The following MEI1 variants were observed in gnomAD, a reference collection of about 807,000 sequenced individuals.
MEI1 encodes meiosis inhibitor protein 1.
A neutral mutation model predicts 146.2 loss-of-function variants in MEI1; 103 were observed. The ratio of observed to expected loss-of-function variants is 0.70; its 90% CI spans 0.60 to 0.83. The LOEUF (loss-of-function observed/expected upper bound fraction) is 0.83. MEI1 is among the 40% of genes least tolerant of loss of function. The pLI is 0.00. For synonymous variants in MEI1, 652 were observed against 628.2 expected (o/e 1.04, Z -0.57); for missense variants, 1,529 against 1,533.0 (o/e 1.00, Z 0.04).
chr22:41,770,345 G>A (rs1236038602), intron 19 of MEI1, among the ~76,000 whole-genome samples: 1 of 151,818 alleles, frequency 6.6e-6, no homozygotes, highest in Non-Finnish European at 1.5e-5. Flanking sequence ...TTAATATTTT[G>A]CACCAGATCA....
Position 41,723,998 on chromosome 22 carries a change from G to C in MEI1, c.789G>C (p.Gln263His). ...YDLFVSMIMN[Q>H]DGLGESAKNI... Reference sequence around the variant, plus strand: ...TCTTTGTGTCCATGATCATGAACCAGGATGGACTGGGAGAAAGTGCTAAGA... The same window carrying C: ...TCTTTGTGTCCATGATCATGAACCACGATGGACTGGGAGAAAGTGCTAAGA... The change falls in exon 7 of 31, where the codon CAG becomes CAC. Residue 263 changes from glutamine to histidine, a missense_variant. This residue lies in a region of MEI1 where 1,212 missense variants were observed against 1,178.9 expected (regional missense o/e 1.03). Transcript: ENST00000401548. 1 of 1,613,188 alleles carries C rather than the reference G, an allele frequency of 6.2e-7. No individual in the cohort carries two copies. Among genetic ancestry groups the C allele is most frequent in the Non-Finnish European group, 8.5e-7 (1 of 1,179,584 alleles).
chr22:41,749,974 A>G (rs1393830345), intron 15 of MEI1, among the ~76,000 whole-genome samples: 6 of 152,106 alleles, frequency 3.9e-5, no homozygotes, highest in African/African-American at 1.4e-4. Flanking sequence ...TAGGTGGGTA[A>G]TTGACTGTGT....
chr22:41,767,804 T>C (rs2074950993), intron 19 of MEI1, among the ~76,000 whole-genome samples: 1 of 152,122 alleles, frequency 6.6e-6, no homozygotes, highest in African/African-American at 2.4e-5. Context: ...CTCCTATGGG[T>C]CAGGCAGCTA....
At chr22:41,753,158 C>T (rs1391404071) in intron 16 of MEI1, among the ~76,000 whole-genome samples, 1 of 152,098 alleles carries the variant, frequency 6.6e-6, no homozygotes, top group Admixed American at 6.6e-5. Context: ...GCTGGGATTA[C>T]AGGTGCTTGC....
rs528881909 is a variant in MEI1 at position 41,748,315 on chromosome 22, T to G, written c.1792+97T>G. 1,072 of 781,468 alleles carry G rather than the reference T, an allele frequency of 1.4e-3. 2 individuals carry two copies. Among genetic ancestry groups the G allele is most frequent in the Non-Finnish European group, 2.1e-3 (930 of 447,530 alleles). 48.4% of individuals were successfully genotyped at this position (781,468 alleles called of 1,614,324 possible). On this transcript the variant is annotated intron_variant, in intron 15 of 30. Transcript: ENST00000401548. ...GAGAGGATAAGTTGTGGGTGCACAT[T>G]TACTAATTCATTCAGAATCTGTATC...
intron 15 of MEI1, 50 bp from the exon 16 acceptor site, chr22:41,752,541 T>G: frequency 6.6e-7 from 1 of 1,518,446 alleles, no homozygotes; most frequent in Non-Finnish European, 9.0e-7. Context: ...GGACTCTCTG[T>G]GACAAGTCTG....
chr22:41,703,282 A>C (rs937476876), intron 1 of MEI1, 49 bp from the exon 2 acceptor site: 2 of 1,594,616 alleles, frequency 1.3e-6, no homozygotes, highest in African/African-American at 2.7e-5. Flanking sequence ...TGGATTCAGA[A>C]TAGCCAAAAT....
In MEI1 at chr22:41,799,302, C is replaced by T; in HGVS notation, c.*3C>T. 1 of 1,613,466 alleles carries T rather than the reference C, an allele frequency of 6.2e-7. No individual in the cohort carries two copies. The highest frequency in any genetic ancestry group is 8.5e-7 in the Non-Finnish European group (1 of 1,179,584). On this transcript the variant is annotated 3_prime_UTR_variant, in exon 31 of 31. Transcript: ENST00000401548. ...CCCTGTCCCACATCAGAAACTGATCCTCAGGACTTGAAGGCCCAGAAGTGG... is the reference window on the plus strand; with the variant it reads ...CCCTGTCCCACATCAGAAACTGATCTTCAGGACTTGAAGGCCCAGAAGTGG...
chr22:41,755,551 C>T (rs17002653), intron 17 of MEI1, among the ~76,000 whole-genome samples: 10,055 of 152,206 alleles, frequency 0.066, 1,075 homozygotes, highest in African/African-American at 0.23. Flanking sequence ...TCACCATCAC[C>T]TCTCATGCTC....
intron 19 of MEI1, among the ~76,000 whole-genome samples, chr22:41,764,098 C>T (rs2147986422): frequency 6.6e-6 from 1 of 152,110 alleles, no homozygotes; most frequent in East Asian, 1.9e-4. Flanking sequence ...ATAGCTGGGA[C>T]TACTGGCGCC....
intron 20 of MEI1, among the ~76,000 whole-genome samples, chr22:41,773,560 TAAAAA>T (rs34960433): frequency 1.8e-4 from 23 of 129,924 alleles, no homozygotes; most frequent in Non-Finnish European, 2.9e-4. Context: ...ACATCAATGG[TAAAAA>T]AAAAAAAAAA....
chr22:41,731,933 C>T (rs1328044766), intron 9 of MEI1, among the ~76,000 whole-genome samples: 2 of 152,066 alleles, frequency 1.3e-5, no homozygotes, highest in African/African-American at 2.4e-5. Flanking sequence ...GGGGTTTTGA[C>T]CTGATTCTCC....
intron 26 of MEI1, among the ~76,000 whole-genome samples, chr22:41,792,509 G>C (rs2076214691): frequency 6.6e-6 from 1 of 152,214 alleles, no homozygotes; most frequent in Non-Finnish European, 1.5e-5. Flanking sequence ...CACGGTGGAG[G>C]AAAGTGTTAG....
chr22:41,791,664 A>AG (rs1471489975), intron 26 of MEI1, among the ~76,000 whole-genome samples: 4 of 152,188 alleles, frequency 2.6e-5, no homozygotes, highest in African/African-American at 9.6e-5. Context: ...TGTTGACAGG[A>AG]GGTGGAGAAT....
intron 26 of MEI1, among the ~76,000 whole-genome samples, chr22:41,787,795 G>A (rs1425123416): frequency 1.3e-5 from 2 of 152,132 alleles, no homozygotes; most frequent in Non-Finnish European, 2.9e-5. Context: ...GAAAACCACA[G>A]AAATTAACAT....
Position 41,758,409 on chromosome 22 carries a change from A to C in MEI1, c.1996A>C (p.Ile666Leu). The change falls in exon 18 of 31, where the codon ATA becomes CTA. Residue 666 changes from isoleucine (I) to leucine (L), a missense_variant. Ile to Leu is a conservative substitution (Grantham distance 5, BLOSUM62 2). Transcript: ENST00000401548. ...SELLQHGLPQISSRSPESLAF... is the reference protein window; with the variant it reads ...SELLQHGLPQLSSRSPESLAF... ...GCTCCTGCAGCATGGGCTGCCCCAGATAAGCAGCAGGAGCCCTGAAAGCCT... is the reference window on the plus strand; with the variant it reads ...GCTCCTGCAGCATGGGCTGCCCCAGCTAAGCAGCAGGAGCCCTGAAAGCCT... 1 of 1,613,932 alleles carries C rather than the reference A, an allele frequency of 6.2e-7. No homozygotes were observed. The highest frequency in any genetic ancestry group is 8.5e-7 in the Non-Finnish European group (1 of 1,179,874).
intron 7 of MEI1, 37 bp downstream of exon 7, chr22:41,724,110 A>G: frequency 6.2e-7 from 1 of 1,611,616 alleles, no homozygotes; most frequent in Non-Finnish European, 8.5e-7. Flanking sequence ...TAGGTTCAAT[A>G]ACAAGGGGAC....
chr22:41,754,046 G>A lies in MEI1; in HGVS notation c.1951G>A (p.Glu651Lys). ...GAAGACAGGACCACCTTCCAAAGAAGGTAAGATGCTACAATTTGACCACTC... is the reference window on the plus strand; with the variant it reads ...GAAGACAGGACCACCTTCCAAAGAAAGTAAGATGCTACAATTTGACCACTC... ...PEKTGPPSKE[E>K]LSAVSELLQH... The change falls in exon 17 of 31, where the codon GAA becomes AAA. Residue 651 changes from glutamate (E) to lysine (K), a missense_variant and splice_region_variant. Physicochemically the swap from Glu to Lys is moderately conservative, Grantham distance 56. Around this residue, in one of 3 missense-constraint regions of MEI1, gnomAD observed 1,212 missense variants for 1,178.9 expected, o/e 1.03. Coordinates refer to ENST00000401548, the MANE Select transcript of MEI1 (RefSeq NM_152513.4). The A allele has an allele frequency of 6.2e-7, 1 of 1,607,224 alleles. No homozygotes were observed. Among genetic ancestry groups the A allele is most frequent in the South Asian group, 1.1e-5 (1 of 90,942 alleles).
chr22:41,797,476 G>A (rs1354717961), intron 30 of MEI1, among the ~76,000 whole-genome samples: 5 of 152,066 alleles, frequency 3.3e-5, no homozygotes, highest in African/African-American at 9.7e-5. Flanking sequence ...GTCGGCTGTG[G>A]TGGCACACGT....
Sources: gnomAD v4.1 joint callset for allele counts (sites outside exome capture counted in the v4.1 genomes callset) on GRCh38, gnomAD v4.1.1 for gene constraint, gnomAD v4.1.1 regional missense constraint, MANE v1.5 for transcripts, NCBI Gene and HGNC (gene_info 2026-07-23, HGNC 2026-07-21) for gene names.